MAP2: variants seen among roughly 807,000 people sequenced by gnomAD.
MAP2 encodes the protein microtubule-associated protein 2.
In MAP2, 14 loss-of-function variants were observed where a neutral mutation model predicts 137.6. The ratio of observed to expected loss-of-function variants is 0.10; its 90% CI spans 0.07 to 0.16. The LOEUF (loss-of-function observed/expected upper bound fraction) is 0.16. Ranked by LOEUF, MAP2 falls within the 10% of genes least tolerant of loss-of-function variation. The probability of loss-of-function intolerance (pLI) is 1.00; values close to 1 mark genes in which losing one functional copy is unlikely to be tolerated. For missense variants in MAP2, 2,088 were observed against 2,191.5 expected (o/e 0.95, Z 0.94); for synonymous variants, 786 against 782.3 (o/e 1.00, Z -0.08).
intron 2 of MAP2, among the ~76,000 whole-genome samples, chr2:209,562,775 C>G (rs377388452): frequency 1.3e-5 from 2 of 152,014 alleles, no homozygotes; most frequent in Non-Finnish European, 2.9e-5. Context: ...AAAAGCCCAG[C>G]GGTGATTGCA....
Position 209,705,652 on chromosome 2 carries a change from G to A in MAP2, c.4657G>A (p.Gly1553Ser), listed in dbSNP as rs1476240293. The change falls in exon 12 of 16, where the codon GGT becomes AGT. Residue 1553 changes from glycine (G) to serine (S), a missense_variant. Around this residue, in one of 6 missense-constraint regions of MAP2, gnomAD observed 591 missense variants for 642.6 expected, o/e 0.92. Coordinates refer to ENST00000682079, the MANE Select transcript of MAP2 (RefSeq NM_001375505.1). The stretch of plus-strand genomic sequence containing the variant: ...TTCCTCCATTCTCCCTCCTCGGCGA[G>A]GTGTGTCAGGAGACAGAGATGAGAA... Reference protein sequence around the residue: ...RPSSILPPRRGVSGDRDENSF... With the variant: ...RPSSILPPRRSVSGDRDENSF... The A allele has an allele frequency of 6.2e-7, 1 of 1,613,278 alleles. No individual in the cohort carries two copies. The highest frequency in any genetic ancestry group is 1.7e-5 in the Admixed American group (1 of 59,984).
rs150755912 is a variant in MAP2 at position 209,692,210 on chromosome 2, C to T, written c.455-415C>T. 1.5e-3 allele frequency among the ~76,000 whole-genome samples: 227 copies of T among 151,932 alleles called. 1 individual carries two copies. Among genetic ancestry groups the T allele is most frequent in the Admixed American group, 2.6e-3 (39 of 15,236 alleles). On this transcript the variant is annotated intron_variant, in intron 7 of 15. Coordinates refer to ENST00000682079, the MANE Select transcript of MAP2 (RefSeq NM_001375505.1). ...ATTCTTTATCTATATTTAGTCCTTA[C>T]TATATATTCTTTTGTACCCTAACAT... is the stretch of plus-strand genomic sequence containing the variant.
intron 3 of MAP2, among the ~76,000 whole-genome samples, chr2:209,612,533 A>C (rs2087324029): frequency 6.6e-6 from 1 of 152,126 alleles, no homozygotes; most frequent in Admixed American, 6.6e-5. Context: ...GGGAGCCAGA[A>C]TTTTTTTCTG....
chr2:209,515,165 T>G (rs1230428021), intron 2 of MAP2, among the ~76,000 whole-genome samples: 1 of 152,118 alleles, frequency 6.6e-6, no homozygotes, highest in Non-Finnish European at 1.5e-5. Flanking sequence ...CAAATCTAAT[T>G]AGTGAAGAGT....
chr2:209,698,844 A>C (rs564008598), intron 10 of MAP2, among the ~76,000 whole-genome samples: 38 of 152,300 alleles, frequency 2.5e-4, no homozygotes, highest in African/African-American at 8.7e-4. Context: ...GGCAAGCAGA[A>C]TCTCTTGATT....
chr2:209,489,372 A>G (rs1168613078), intron 1 of MAP2, among the ~76,000 whole-genome samples: 1 of 152,170 alleles, frequency 6.6e-6, no homozygotes, highest in African/African-American at 2.4e-5. Context: ...CAAATACCAG[A>G]ACACTTCTTC....
intron 1 of MAP2, among the ~76,000 whole-genome samples, chr2:209,424,980 G>T (rs1439504998): frequency 6.6e-6 from 1 of 150,440 alleles, no homozygotes; most frequent in Non-Finnish European, 1.5e-5. Context: ...GGCTTTTTTG[G>T]TGGGGAGAGG....
intron 1 of MAP2, among the ~76,000 whole-genome samples, chr2:209,436,366 G>C (rs1029988569): frequency 6.6e-6 from 1 of 151,492 alleles, no homozygotes; most frequent in Non-Finnish European, 1.5e-5. Context: ...TGTGGGCCAC[G>C]CGTAGTCTCT....
intron 1 of MAP2, among the ~76,000 whole-genome samples, chr2:209,490,344 G>A (rs1212844678): frequency 1.3e-5 from 2 of 151,876 alleles, no homozygotes; most frequent in Non-Finnish European, 2.9e-5. Flanking sequence ...AAAGACCATC[G>A]ACACTATGAA....
intron 2 of MAP2, among the ~76,000 whole-genome samples, chr2:209,542,319 A>G (rs1242420361): frequency 6.6e-6 from 1 of 152,194 alleles, no homozygotes; most frequent in Non-Finnish European, 1.5e-5. Context: ...CAGGCTTTCC[A>G]TTTACATCAT....
intron 2 of MAP2, among the ~76,000 whole-genome samples, chr2:209,568,177 A>G (rs561268281): frequency 1.3e-5 from 2 of 151,988 alleles, no homozygotes; most frequent in Non-Finnish European, 2.9e-5. Context: ...AGGAGAGACT[A>G]AGAAATTACA....
intron 7 of MAP2, chr2:209,690,539 A>T: frequency 4.2e-6 from 5 of 1,184,862 alleles, no homozygotes; most frequent in Non-Finnish European, 5.4e-6. Flanking sequence ...TTCCTTTAGC[A>T]ATATTTCTGT....
At position 209,694,954 on chromosome 2, in the gene MAP2, G is replaced by A. The variant is rs1292397313; in HGVS notation, c.2784G>A (p.Glu928=). The change falls in exon 8 of 16, where the codon GAG becomes GAA. Residue 928 remains glutamate (E), a synonymous_variant. Coordinates refer to ENST00000682079, the MANE Select transcript of MAP2 (RefSeq NM_001375505.1). ...KLAAAGRVKD[E]FSVDKEASAH... ...CAGCAGCCGGAAGAGTCAAAGATGA[G>A]TTCAGTGTTGACAAAGAAGCATCCG... 6.2e-7 allele frequency: 1 copy of A among 1,614,052 alleles called. No individual in the cohort carries two copies. The highest frequency in any genetic ancestry group is 2.2e-5 in the East Asian group (1 of 44,884).
At position 209,522,704 on chromosome 2, in the gene MAP2, T is replaced by C. The variant is rs149995570; in HGVS notation, c.-172+15063T>C. Among the ~76,000 whole-genome samples the C allele has an allele frequency of 1.5e-3, 228 of 151,932 alleles. 2 individuals carry two copies. Among genetic ancestry groups the C allele is most frequent in the African/African-American group, 5.2e-3 (216 of 41,474 alleles). On this transcript the variant is annotated intron_variant, in intron 2 of 15. Transcript: ENST00000682079. ...TTTATTTAAAGCTCCATATGGAAGT[T>C]TTTGTTTTTGTTTTTGTTTATTTAC...
intron 1 of MAP2, among the ~76,000 whole-genome samples, chr2:209,457,232 A>C (rs1701743820): frequency 6.6e-6 from 1 of 152,158 alleles, no homozygotes; most frequent in Admixed American, 6.5e-5. Context: ...TATGGCAGCT[A>C]CCCAGATGAG....
At chr2:209,517,969 T>C (rs1283443692) in intron 2 of MAP2, among the ~76,000 whole-genome samples, 2 of 152,062 alleles carry the variant, frequency 1.3e-5, no homozygotes, top group Non-Finnish European at 2.9e-5. Context: ...TTTCATCTCA[T>C]AGTTTCATGG....
At chr2:209,701,575 C>G (rs1202483743) in intron 11 of MAP2, among the ~76,000 whole-genome samples, 1 of 152,004 alleles carries the variant, frequency 6.6e-6, no homozygotes, top group African/African-American at 2.4e-5. Context: ...TTAGCTTACC[C>G]TTCTAAAAAA....
intron 10 of MAP2, among the ~76,000 whole-genome samples, chr2:209,698,662 G>A (rs12614031): frequency 0.1 from 15,612 of 152,154 alleles, 948 homozygotes; most frequent in East Asian, 0.23. Flanking sequence ...TTGTATATAC[G>A]CACACCTTGA....
chr2:209,451,539 G>A (rs147621523), intron 1 of MAP2, among the ~76,000 whole-genome samples: 1 of 152,248 alleles, frequency 6.6e-6, no homozygotes. Flanking sequence ...GCTCTGAGGT[G>A]GTAACAGTTT....
Sources: allele counts gnomAD v4.1 joint callset (sites outside exome capture counted in the v4.1 genomes callset), GRCh38; gene constraint gnomAD v4.1.1; regional missense constraint gnomAD v4.1.1; transcripts MANE v1.5; gene names NCBI Gene and HGNC (gene_info 2026-07-23, HGNC 2026-07-21).